The following CLSTN2 variants were observed in gnomAD, a reference collection of about 807,000 sequenced individuals.
The protein encoded by CLSTN2 is calsyntenin 2.
A neutral mutation model predicts 101.2 loss-of-function variants in CLSTN2; 48 were observed. The observed-to-expected ratio is 0.47, with a 90% CI of 0.38 to 0.60. CLSTN2 has a LOEUF of 0.60. Ranked by LOEUF, CLSTN2 falls within the 20% of genes least tolerant of loss-of-function variation. The pLI, the probability that CLSTN2 is intolerant of heterozygous loss-of-function variation, is 0.00. For synonymous variants in CLSTN2, 481 were observed against 463.6 expected, an observed-to-expected ratio of 1.04 and a Z score of -0.48; for missense variants, 1,160 against 1,238.2, an observed-to-expected ratio of 0.94 and a Z score of 0.95.
intron 2 of CLSTN2, among the ~76,000 whole-genome samples, chr3:140,361,052 A>G (rs1161616066): frequency 2.0e-5 from 3 of 152,234 alleles, no homozygotes; most frequent in Non-Finnish European, 4.4e-5. Flanking sequence ...CAAAGGCATC[A>G]CAAGAAAACT....
At position 140,034,727 on chromosome 3, in the gene CLSTN2, T is replaced by C. The variant is rs182583110; in HGVS notation, c.109+99244T>C. Among the ~76,000 whole-genome samples, 295 of 152,326 alleles carry C rather than the reference T, an allele frequency of 1.9e-3. 1 individual carries two copies. Among genetic ancestry groups the C allele is most frequent in the Admixed American group, 6.3e-3 (97 of 15,304 alleles). Reference sequence around the variant, plus strand: ...GAAGTTTGGTATCTGTTGATAGCAATCAACTCTTTTCCTCCAACCTCCTCA... The same window carrying C: ...GAAGTTTGGTATCTGTTGATAGCAACCAACTCTTTTCCTCCAACCTCCTCA... On this transcript the variant is annotated intron_variant, in intron 1 of 16. Transcript: ENST00000458420.
chr3:140,389,616 T>C (rs1437908015), intron 2 of CLSTN2, among the ~76,000 whole-genome samples: 6 of 152,226 alleles, frequency 3.9e-5, no homozygotes, highest in African/African-American at 1.4e-4. Context: ...GTCTTTATAA[T>C]AGAATGATTT....
chr3:140,288,860 T>C (rs1210692072), intron 2 of CLSTN2, among the ~76,000 whole-genome samples: 1 of 152,184 alleles, frequency 6.6e-6, no homozygotes. Context: ...CACAGTCCCC[T>C]GAGGGAGCTG....
intron 8 of CLSTN2, among the ~76,000 whole-genome samples, chr3:140,503,832 C>T (rs923321209): frequency 2.0e-5 from 3 of 152,200 alleles, no homozygotes; most frequent in Admixed American, 1.3e-4. Context: ...TTTACCCTCA[C>T]ATGAGGACCT....
intron 8 of CLSTN2, among the ~76,000 whole-genome samples, chr3:140,502,863 A>G (rs1267318217): frequency 2.0e-5 from 3 of 152,226 alleles, no homozygotes; most frequent in Non-Finnish European, 4.4e-5. Flanking sequence ...CATATAATAT[A>G]CCACATATGT....
chr3:140,454,449 A>G (rs2108012850), intron 6 of CLSTN2: 1 of 152,264 alleles, frequency 6.6e-6, no homozygotes, highest in East Asian at 1.9e-4. Flanking sequence ...TTATTGTGGG[A>G]TCAATAGTGT....
intron 2 of CLSTN2, among the ~76,000 whole-genome samples, chr3:140,357,684 A>C (rs115066519): frequency 6.6e-6 from 1 of 152,158 alleles, no homozygotes; most frequent in Non-Finnish European, 1.5e-5. Context: ...AGACTCCACT[A>C]TCTGTCTCAT....
chr3:140,253,067 G>C (rs73870714), intron 2 of CLSTN2, among the ~76,000 whole-genome samples: 9,356 of 152,264 alleles, frequency 0.061, 682 homozygotes, highest in African/African-American at 0.17. Context: ...ATATGTGTAA[G>C]TTCGATCACT....
At chr3:140,518,618 C>A (rs1002910744) in intron 8 of CLSTN2, among the ~76,000 whole-genome samples, 1 of 152,160 alleles carries the variant, frequency 6.6e-6, no homozygotes, top group African/African-American at 2.4e-5. Flanking sequence ...CAGATGATTC[C>A]TTTTCACACT....
intron 2 of CLSTN2, among the ~76,000 whole-genome samples, chr3:140,366,878 T>C (rs940041580): frequency 1.3e-5 from 2 of 152,220 alleles, no homozygotes; most frequent in African/African-American, 4.8e-5. Flanking sequence ...CTGGGCGTTG[T>C]GAATGACAAG....
At chr3:140,489,188 G>C (rs551280320) in intron 8 of CLSTN2, among the ~76,000 whole-genome samples, 1 of 152,072 alleles carries the variant, frequency 6.6e-6, no homozygotes, top group Admixed American at 6.6e-5. Context: ...TGGTTGGGAG[G>C]AGAATCGTGG....
chr3:140,478,713 A>G (rs964946203), intron 8 of CLSTN2, among the ~76,000 whole-genome samples: 1 of 150,984 alleles, frequency 6.6e-6, no homozygotes, highest in Non-Finnish European at 1.5e-5. Flanking sequence ...ACTTACAACG[A>G]GTGAATCTTA....
chr3:140,374,064 G>C (rs2087888975), intron 2 of CLSTN2, among the ~76,000 whole-genome samples: 1 of 152,114 alleles, frequency 6.6e-6, no homozygotes, highest in Admixed American at 6.5e-5. Flanking sequence ...TTTGTTCTTT[G>C]TTCCCCTGCA....
chr3:140,245,626 T>C (rs1388958730), intron 2 of CLSTN2, among the ~76,000 whole-genome samples: 3 of 149,772 alleles, frequency 2.0e-5, no homozygotes, highest in Admixed American at 6.7e-5. Flanking sequence ...TATAAACACA[T>C]TGCCATGCCC....
chr3:140,391,373 G>T (rs1220015759), intron 2 of CLSTN2, among the ~76,000 whole-genome samples: 1 of 134,416 alleles, frequency 7.4e-6, no homozygotes, highest in Non-Finnish European at 1.6e-5. Context: ...TTGCGTGGGG[G>T]GGTGGGCGGG....
At chr3:139,981,571 G>T (rs1470365164) in intron 1 of CLSTN2, among the ~76,000 whole-genome samples, 1 of 152,138 alleles carries the variant, frequency 6.6e-6, no homozygotes, top group African/African-American at 2.4e-5. Context: ...CAATTTTCTG[G>T]CTCTATCTGA....
Position 140,568,457 on chromosome 3 carries a change from T to C in CLSTN2, c.*2204T>C, listed in dbSNP as rs985744062. On this transcript the variant is annotated 3_prime_UTR_variant, in exon 17 of 17. Transcript: ENST00000458420. ...ATTGGATGGAAACAGATATTTCTCC[T>C]GGGAATTCTCCCAACCAAATAGCCC... is the stretch of plus-strand genomic sequence containing the variant. 1 of 152,192 alleles carries C rather than the reference T, an allele frequency of 6.6e-6. No homozygotes were observed. The highest frequency in any genetic ancestry group is 1.5e-5 in the Non-Finnish European group (1 of 68,032). The allele number at this position is 152,192 out of a possible 1,614,324, so 9.4% of individuals were successfully genotyped here.
At chr3:140,139,444 A>T (rs969447195) in intron 1 of CLSTN2, among the ~76,000 whole-genome samples, 6 of 152,320 alleles carry the variant, frequency 3.9e-5, no homozygotes, top group Admixed American at 2.6e-4. Context: ...TTGCAGGTGA[A>T]TCCACATGGT....
intron 9 of CLSTN2, among the ~76,000 whole-genome samples, chr3:140,545,072 GA>G (rs892369044): frequency 2.8e-4 from 42 of 152,282 alleles, no homozygotes; most frequent in African/African-American, 9.1e-4. Context: ...GAACTCTAAA[GA>G]GAACTCTAAA....
Sources: allele counts gnomAD v4.1 joint callset (sites outside exome capture counted in the v4.1 genomes callset), GRCh38; gene constraint gnomAD v4.1.1; transcripts MANE v1.5; gene names NCBI Gene and HGNC (gene_info 2026-07-23, HGNC 2026-07-21).